The following DMD variants were observed in gnomAD, a reference collection of about 807,000 sequenced individuals.
DMD encodes the protein dystrophin, also known as mutant dystrophin.
Under a neutral mutation model 330.1 loss-of-function variants are expected in DMD, and 63 were observed. The observed-to-expected ratio is 0.19, with a 90% CI of 0.16 to 0.24. The LOEUF (loss-of-function observed/expected upper bound fraction) is 0.24. DMD is among the 10% of genes least tolerant of loss of function. The probability of loss-of-function intolerance (pLI) is 1.00; values close to 1 mark genes in which losing one functional copy is unlikely to be tolerated. For missense variants in DMD, 3,344 were observed against 2,684.1 expected (o/e 1.25, Z -5.43); for synonymous variants, 1,223 against 959.8 (o/e 1.27, Z -5.07).
chrX:32,455,344 A>C (rs1462908444), intron 25 of DMD, among the ~76,000 whole-genome samples: 1 of 111,608 alleles, frequency 9.0e-6, no homozygotes, highest in Non-Finnish European at 1.9e-5. Flanking sequence ...ATGGCAATAC[A>C]TGTATATAAA....
chrX:31,368,746 A>G (rs1271099833), intron 60 of DMD, among the ~76,000 whole-genome samples: 1 of 110,121 alleles, frequency 9.1e-6, no homozygotes, highest in South Asian at 4.0e-4. Context: ...CCCGGGTTCA[A>G]GAGATTCTCC....
chrX:32,189,839 C>A (rs187390750), intron 44 of DMD, among the ~76,000 whole-genome samples: 1 of 111,075 alleles, frequency 9.0e-6, no homozygotes, highest in East Asian at 2.8e-4. Context: ...AGAACCCTTT[C>A]ATCTTTGGTC....
chrX:32,627,985 A>G (rs2058465078), intron 11 of DMD, among the ~76,000 whole-genome samples: 1 of 110,454 alleles, frequency 9.1e-6, no homozygotes, highest in African/African-American at 3.3e-5. Flanking sequence ...GCATAATATG[A>G]CATTAGGGTT....
At chrX:31,206,481 G>T in intron 66 of DMD, 101 bp downstream of exon 66, 1 of 742,304 alleles carries the variant, frequency 1.3e-6, no homozygotes, top group Non-Finnish European at 2.1e-6. Context: ...CTTACATGAG[G>T]AATCTGCTGT....
intron 50 of DMD, among the ~76,000 whole-genome samples, chrX:31,804,146 A>G (rs1034906891): frequency 2.7e-5 from 3 of 111,560 alleles, no homozygotes; most frequent in African/African-American, 9.8e-5. Flanking sequence ...TCATATGCTC[A>G]GTTACCTCAG....
At chrX:33,016,920 C>T (rs1054675452) in intron 2 of DMD, among the ~76,000 whole-genome samples, 4 of 111,607 alleles carry the variant, frequency 3.6e-5, no homozygotes, top group East Asian at 2.8e-4. Context: ...AGAGTATACA[C>T]GAGGCTTTTT....
rs1216677618 is a variant in DMD, at chrX:32,479,641, C to T, written c.2803+5278G>A. ...TTCCTTTTAAAGACTGTATAGTATTCCATTGCATATATATATCATATATAG... is the reference window on the plus strand; with the variant it reads ...TTCCTTTTAAAGACTGTATAGTATTTCATTGCATATATATATCATATATAG... On this transcript the variant is annotated intron_variant, in intron 21 of 78. Transcript: ENST00000357033. 2.7e-5 allele frequency among the ~76,000 whole-genome samples: 3 copies of T among 109,385 alleles called. No individual in the cohort carries two copies. The East Asian group carries it at 8.5e-4, about 31-fold the overall frequency. The allele number at this position is 109,385 out of a possible 115,157, so 95.0% of individuals were successfully genotyped here. A position where few individuals can be genotyped will look rare whatever the true frequency, so the allele number is the denominator to read the frequency against.
At chrX:31,146,545 G>A (rs1326940502) in intron 75 of DMD, 131 bp from the exon 76 acceptor site, 1 of 632,818 alleles carries the variant, frequency 1.6e-6, no homozygotes, top group African/African-American at 2.2e-5. Flanking sequence ...CCCAAAGATT[G>A]TTTAATTTGG....
chrX:32,080,023 C>T (rs1230561774), intron 44 of DMD, among the ~76,000 whole-genome samples: 2 of 112,033 alleles, frequency 1.8e-5, no homozygotes, highest in Non-Finnish European at 3.8e-5. Context: ...TAGGACTTGC[C>T]AATGGGTATA....
intron 1 of DMD, among the ~76,000 whole-genome samples, chrX:33,235,107 A>C (rs2052453113): frequency 8.9e-6 from 1 of 111,981 alleles, no homozygotes; most frequent in African/African-American, 3.3e-5. Context: ...GGTAACTAAG[A>C]GAATTACGTT....
chrX:32,440,051 G>A (rs1271654156), intron 28 of DMD, among the ~76,000 whole-genome samples: 6 of 111,422 alleles, frequency 5.4e-5, no homozygotes, highest in Middle Eastern at 4.6e-3. Context: ...CACTGAAACT[G>A]TGAGAGCAAG....
At chrX:31,665,245 T>C (rs1419317934) in intron 53 of DMD, among the ~76,000 whole-genome samples, 1 of 112,047 alleles carries the variant, frequency 8.9e-6, no homozygotes, top group East Asian at 2.8e-4. Flanking sequence ...TTGATGATTA[T>C]AGCATGACTG....
intron 9 of DMD, among the ~76,000 whole-genome samples, chrX:32,653,607 G>T (rs1468985149): frequency 2.7e-5 from 3 of 111,854 alleles, no homozygotes; most frequent in African/African-American, 9.8e-5. Flanking sequence ...CTCCAGCTTT[G>T]TTCTTTTGGC....
At chrX:32,407,303 C>A (rs1287283082) in intron 30 of DMD, among the ~76,000 whole-genome samples, 7 of 111,435 alleles carry the variant, frequency 6.3e-5, no homozygotes, top group African/African-American at 1.6e-4. Flanking sequence ...ACCCCATCAA[C>A]AAGTGGGTGA....
At chrX:32,396,537 ACTT>A (rs1234741545) in intron 30 of DMD, among the ~76,000 whole-genome samples, 1 of 111,322 alleles carries the variant, frequency 9.0e-6, no homozygotes, top group Non-Finnish European at 1.9e-5. Flanking sequence ...ATACCACAGA[ACTT>A]CTCAGAATAT....
chrX:31,789,305 G>T (rs1049046313), intron 50 of DMD, among the ~76,000 whole-genome samples: 27 of 110,893 alleles, frequency 2.4e-4, no homozygotes, highest in African/African-American at 8.5e-4. Context: ...TTACGTAAGG[G>T]TTTTTTAAGC....
intron 16 of DMD, among the ~76,000 whole-genome samples, chrX:32,545,580 G>T (rs1450440374): frequency 9.0e-6 from 1 of 111,409 alleles, no homozygotes; most frequent in African/African-American, 3.3e-5. Flanking sequence ...CAATATATTG[G>T]TCAAACTGTA....
intron 4 of DMD, among the ~76,000 whole-genome samples, chrX:32,838,573 A>G (rs1366600383): frequency 1.8e-5 from 2 of 112,006 alleles, no homozygotes; most frequent in East Asian, 5.6e-4. Context: ...AAAGGACATG[A>G]ACTCATTCTT....
At chrX:31,580,595 C>A (rs1243256575) in intron 55 of DMD, among the ~76,000 whole-genome samples, 1 of 111,981 alleles carries the variant, frequency 8.9e-6, no homozygotes, top group Non-Finnish European at 1.9e-5. Context: ...GACTGATATA[C>A]TATTATATAT....
Sources: gnomAD v4.1 joint callset for allele counts (sites outside exome capture counted in the v4.1 genomes callset) on GRCh38, gnomAD v4.1.1 for gene constraint, MANE v1.5 for transcripts, NCBI Gene and HGNC (gene_info 2026-07-23, HGNC 2026-07-21) for gene names.